Variants in LHFPL3 observed in about 807,000 individuals in gnomAD.
LHFPL3 encodes the protein LHFPL tetraspan subfamily member 3 protein.
Under a neutral mutation model 19.3 loss-of-function variants are expected in LHFPL3, and 5 were observed. The observed-to-expected ratio is 0.26, with a 90% CI of 0.14 to 0.54. LHFPL3 has a LOEUF of 0.54. Among genes scored for constraint, LHFPL3 ranks in the 20% least tolerant of loss-of-function variants. The pLI is 0.94. For missense variants in LHFPL3, 249 were observed against 307.4 expected (o/e 0.81, Z 1.42); for synonymous variants, 133 against 126.2 (o/e 1.05, Z -0.36).
At chr7:104,871,955 G>A (rs1196917364) in intron 2 of LHFPL3, among the ~76,000 whole-genome samples, 3 of 151,874 alleles carry the variant, frequency 2.0e-5, no homozygotes, top group African/African-American at 7.3e-5. Flanking sequence ...ACCATGCCCA[G>A]CCAATATTAT....
At chr7:104,417,957 A>G (rs1357697220) in intron 1 of LHFPL3, among the ~76,000 whole-genome samples, 2 of 141,424 alleles carry the variant, frequency 1.4e-5, no homozygotes, top group African/African-American at 2.7e-5. Context: ...ATCTTGGCTC[A>G]CTGTAGCCTC....
intron 1 of LHFPL3, among the ~76,000 whole-genome samples, chr7:104,515,124 G>A (rs1237238938): frequency 1.3e-5 from 2 of 152,146 alleles, no homozygotes; most frequent in Non-Finnish European, 2.9e-5. Flanking sequence ...GTGAGATGGT[G>A]CTATGTGAGA....
intron 1 of LHFPL3, among the ~76,000 whole-genome samples, chr7:104,600,482 G>A (rs1485950142): frequency 6.6e-6 from 1 of 152,194 alleles, no homozygotes; most frequent in Admixed American, 6.5e-5. Context: ...CAGAGCCACT[G>A]GGGGCCATTA....
chr7:104,359,260 G>A (rs1790344150), intron 1 of LHFPL3, among the ~76,000 whole-genome samples: 1 of 152,186 alleles, frequency 6.6e-6, no homozygotes, highest in South Asian at 2.1e-4. Context: ...AGCCACTAAG[G>A]AGGAATTTAT....
At chr7:104,341,146 A>G (rs946655931) in intron 1 of LHFPL3, among the ~76,000 whole-genome samples, 2 of 152,200 alleles carry the variant, frequency 1.3e-5, no homozygotes, top group African/African-American at 2.4e-5. Context: ...ACTATAATAC[A>G]TTGAAAATTA....
At chr7:104,869,495 C>T (rs1011620389) in intron 2 of LHFPL3, among the ~76,000 whole-genome samples, 22 of 152,120 alleles carry the variant, frequency 1.4e-4, no homozygotes, top group Non-Finnish European at 2.9e-5. Flanking sequence ...AAAAAATGCT[C>T]ATCATCACTG....
chr7:104,647,696 C>T (rs2115923735), intron 1 of LHFPL3, among the ~76,000 whole-genome samples: 1 of 152,342 alleles, frequency 6.6e-6, no homozygotes, highest in South Asian at 2.1e-4. Context: ...GCACAAATCT[C>T]AATGATTTTC....
At chr7:104,712,887 A>C (rs1793322009) in intron 1 of LHFPL3, among the ~76,000 whole-genome samples, 1 of 152,254 alleles carries the variant, frequency 6.6e-6, no homozygotes, top group Non-Finnish European at 1.5e-5. Flanking sequence ...CAATGAAATC[A>C]CAAAACCACA....
intron 1 of LHFPL3, among the ~76,000 whole-genome samples, chr7:104,465,406 C>T (rs563988976): frequency 6.6e-6 from 1 of 152,194 alleles, no homozygotes; most frequent in South Asian, 2.1e-4. Flanking sequence ...GGTATTTTTA[C>T]AGCAGCACCC....
chr7:104,705,780 C>T (rs1470189122), intron 1 of LHFPL3, among the ~76,000 whole-genome samples: 3 of 152,126 alleles, frequency 2.0e-5, no homozygotes, highest in Non-Finnish European at 4.4e-5. Context: ...TCTTGGGGAA[C>T]AGGTGGCAGT....
chr7:104,482,677 T>A (rs2115662553), intron 1 of LHFPL3, among the ~76,000 whole-genome samples: 1 of 152,330 alleles, frequency 6.6e-6, no homozygotes, highest in East Asian at 1.9e-4. Flanking sequence ...CCCTGCCACC[T>A]CCTTGAACAT....
At chr7:104,603,637 A>G (rs953459527) in intron 1 of LHFPL3, among the ~76,000 whole-genome samples, 12 of 152,328 alleles carry the variant, frequency 7.9e-5, no homozygotes, top group Admixed American at 4.6e-4. Flanking sequence ...TGTGAAATCA[A>G]AACAAGTTAT....
chr7:104,534,119 C>A (rs547526090), intron 1 of LHFPL3, among the ~76,000 whole-genome samples: 1 of 152,172 alleles, frequency 6.6e-6, no homozygotes, highest in Non-Finnish European at 1.5e-5. Flanking sequence ...AGCTTCCTAA[C>A]GGTCTCCAGT....
chr7:104,501,026 G>T (rs950546494), intron 1 of LHFPL3, among the ~76,000 whole-genome samples: 5 of 152,000 alleles, frequency 3.3e-5, no homozygotes, highest in South Asian at 2.1e-4. Flanking sequence ...ATTTTATATT[G>T]CAACTTGGTA....
chr7:104,836,879 G>A (rs571158944), intron 2 of LHFPL3, among the ~76,000 whole-genome samples: 10 of 152,260 alleles, frequency 6.6e-5, no homozygotes, highest in South Asian at 4.1e-4. Flanking sequence ...TATCTCTGAC[G>A]ACAAATGAAA....
intron 1 of LHFPL3, among the ~76,000 whole-genome samples, chr7:104,549,252 C>T (rs867831383): frequency 6.6e-6 from 1 of 152,054 alleles, no homozygotes; most frequent in African/African-American, 2.4e-5. Flanking sequence ...TCTCTCTTCT[C>T]TCTCCATATG....
intron 1 of LHFPL3, among the ~76,000 whole-genome samples, chr7:104,355,978 C>T (rs1013294344): frequency 2.0e-5 from 3 of 152,078 alleles, no homozygotes; most frequent in African/African-American, 4.8e-5. Flanking sequence ...TGATATAGTA[C>T]ATTATACAGA....
intron 1 of LHFPL3, among the ~76,000 whole-genome samples, chr7:104,500,938 C>T (rs750159532): frequency 2.6e-5 from 4 of 152,154 alleles, no homozygotes; most frequent in African/African-American, 7.2e-5. Flanking sequence ...TCAAACCTGC[C>T]GCATCTCTCC....
chr7:104,379,000 C>G lies in LHFPL3; in HGVS notation c.445+49776C>G, dbSNP rs140386026. ...TTTATTCCTTGGATTTAATTTATTC[C>G]TAATTCTCCCAACACATCATCCAAT... On this transcript the variant is annotated intron_variant, in intron 1 of 2. Coordinates refer to ENST00000424859, the MANE Select transcript of LHFPL3 (RefSeq NM_199000.3). Among the ~76,000 whole-genome samples, 588 of 152,238 alleles carry G rather than the reference C, an allele frequency of 3.9e-3. 3 individuals carry two copies. Among genetic ancestry groups the G allele is most frequent in the Admixed American group, 7.9e-3 (120 of 15,282 alleles).
Sources: allele counts gnomAD v4.1 joint callset (sites outside exome capture counted in the v4.1 genomes callset), GRCh38; gene constraint gnomAD v4.1.1; transcripts MANE v1.5; gene names NCBI Gene and HGNC (gene_info 2026-07-23, HGNC 2026-07-21).